The following FAM135B variants were observed in gnomAD, a reference collection of about 807,000 sequenced individuals.
FAM135B encodes the protein family with sequence similarity 135 member B, also known as protein FAM135B.
FAM135B carries 43 observed loss-of-function variants against 127.7 expected under a neutral mutation model. That is an observed-to-expected ratio of 0.34 (90% CI 0.26 to 0.43). The LOEUF (loss-of-function observed/expected upper bound fraction) is 0.43, where lower values mean the gene tolerates loss of function less well. Ranked by LOEUF, FAM135B falls within the 20% of genes least tolerant of loss-of-function variation. The pLI, the probability that FAM135B is intolerant of heterozygous loss-of-function variation, is 1.00. For synonymous variants in FAM135B, 670 were observed against 665.1 expected, an observed-to-expected ratio of 1.01 and a Z score of -0.11; for missense variants, 1,558 against 1,725.6, an observed-to-expected ratio of 0.90 and a Z score of 1.72.
At chr8:138,136,156 T>A (rs1215412948) in intron 19 of FAM135B, among the ~76,000 whole-genome samples, 2 of 152,042 alleles carry the variant, frequency 1.3e-5, no homozygotes, top group South Asian at 4.1e-4. Flanking sequence ...AACTAATTTT[T>A]AAAAATTTTT....
At chr8:138,305,918 C>T (rs2130866925) in intron 3 of FAM135B, among the ~76,000 whole-genome samples, 1 of 152,046 alleles carries the variant, frequency 6.6e-6, no homozygotes, top group South Asian at 2.1e-4. Context: ...TACACACATG[C>T]ATGTATATGT....
intron 2 of FAM135B, among the ~76,000 whole-genome samples, chr8:138,357,224 C>G (rs187916026): frequency 1.3e-5 from 2 of 152,066 alleles, no homozygotes; most frequent in East Asian, 3.9e-4. Flanking sequence ...TGTTTTTCCC[C>G]CATTTATAAA....
intron 9 of FAM135B, among the ~76,000 whole-genome samples, chr8:138,179,582 G>A (rs1814813598): frequency 6.6e-6 from 1 of 152,194 alleles, no homozygotes; most frequent in Non-Finnish European, 1.5e-5. Context: ...AAAACGTCCT[G>A]AGAGAAGACA....
intron 1 of FAM135B, among the ~76,000 whole-genome samples, chr8:138,428,213 C>T (rs1211280909): frequency 6.6e-6 from 1 of 152,084 alleles, no homozygotes; most frequent in African/African-American, 2.4e-5. Context: ...CATTGTCCTC[C>T]CATTTTTAAA....
intron 1 of FAM135B, among the ~76,000 whole-genome samples, chr8:138,427,561 C>G (rs1256394462): frequency 2.0e-5 from 3 of 152,002 alleles, no homozygotes; most frequent in Non-Finnish European, 4.4e-5. Flanking sequence ...AACACTGCAA[C>G]AACTTGCCAG....
At chr8:138,327,926 C>T (rs1193304601) in intron 2 of FAM135B, among the ~76,000 whole-genome samples, 1 of 152,104 alleles carries the variant, frequency 6.6e-6, no homozygotes, top group Non-Finnish European at 1.5e-5. Flanking sequence ...ATGAGAGAGA[C>T]TTCATATTGC....
intron 2 of FAM135B, among the ~76,000 whole-genome samples, chr8:138,339,384 T>TATATATATATATA (rs1563915402): frequency 5.5e-5 from 8 of 146,542 alleles, no homozygotes; most frequent in East Asian, 4.1e-4. Flanking sequence ...TATATATATA[T>TATATATATATATA]TTTAAAATCT....
Position 138,243,183 on chromosome 8 carries a change from G to A in FAM135B, c.543-115C>T. On this transcript the variant is annotated intron_variant, in intron 6 of 19. Coordinates refer to ENST00000395297, the MANE Select transcript of FAM135B (RefSeq NM_015912.4). The surrounding 1 kb of genome is among the most constrained non-coding windows in gnomAD (Gnocchi z 7.5). ...AGCATTTGGGATAAGTCATTTAGGA[G>A]TAGTTCACCCCCTAGGGAGTGTTTG... 8.0e-7 allele frequency: 1 copy of A among 1,248,280 alleles called. No homozygotes were observed. The highest frequency in any genetic ancestry group is 1.1e-6 in the Non-Finnish European group (1 of 920,124). 77.3% of individuals were successfully genotyped at this position (1,248,280 alleles called of 1,614,324 possible).
chr8:138,491,572 T>G (rs370190325), intron 1 of FAM135B, among the ~76,000 whole-genome samples: 1 of 152,220 alleles, frequency 6.6e-6, no homozygotes, highest in African/African-American at 2.4e-5. Flanking sequence ...GGGACCAGCA[T>G]CTACTCTGGC....
intron 2 of FAM135B, among the ~76,000 whole-genome samples, chr8:138,334,637 T>C (rs1199647389): frequency 6.6e-6 from 1 of 152,182 alleles, no homozygotes; most frequent in Non-Finnish European, 1.5e-5. Context: ...AGTGAGAACA[T>C]GTGGTATTTG....
intron 1 of FAM135B, among the ~76,000 whole-genome samples, chr8:138,483,955 A>G (rs1747520405): frequency 1.3e-5 from 2 of 152,360 alleles, no homozygotes; most frequent in Middle Eastern, 3.4e-3. Flanking sequence ...GAATGAAGCC[A>G]TACAAATAAG....
intron 1 of FAM135B, chr8:138,459,487 AC>A (rs1473236024): frequency 6.6e-6 from 1 of 152,172 alleles, no homozygotes; most frequent in Non-Finnish European, 1.5e-5. Flanking sequence ...ATTATCAACA[AC>A]CATGAAGCTC....
At chr8:138,439,789 T>C (rs1835661235) in intron 1 of FAM135B, 1 of 152,230 alleles carries the variant, frequency 6.6e-6, no homozygotes, top group Non-Finnish European at 1.5e-5. Flanking sequence ...AAAGTTTGAC[T>C]GTCCAATGTT....
intron 2 of FAM135B, among the ~76,000 whole-genome samples, chr8:138,333,901 T>C (rs1433532503): frequency 6.6e-6 from 1 of 152,062 alleles, no homozygotes; most frequent in Non-Finnish European, 1.5e-5. Flanking sequence ...GACCTCCTGA[T>C]CCTGACCTCC....
intron 1 of FAM135B, among the ~76,000 whole-genome samples, chr8:138,476,169 T>C (rs1328395174): frequency 6.6e-6 from 1 of 152,120 alleles, no homozygotes; most frequent in Non-Finnish European, 1.5e-5. Context: ...AGCAAAACCA[T>C]GAAGACAGTA....
chr8:138,451,472 C>A (rs567772911), intron 1 of FAM135B, among the ~76,000 whole-genome samples: 2 of 152,200 alleles, frequency 1.3e-5, no homozygotes, highest in African/African-American at 4.8e-5. Flanking sequence ...ACAACAGTAG[C>A]TATACATGCT....
chr8:138,189,363 C>T (rs531662300), intron 9 of FAM135B, among the ~76,000 whole-genome samples: 8 of 152,352 alleles, frequency 5.3e-5, no homozygotes, highest in Admixed American at 1.3e-4. Context: ...CACCATCCTT[C>T]AATCACTTCA....
At chr8:138,285,503 G>A (rs1824608007) in intron 3 of FAM135B, among the ~76,000 whole-genome samples, 1 of 152,092 alleles carries the variant, frequency 6.6e-6, no homozygotes, top group East Asian at 1.9e-4. Flanking sequence ...TAGCGACAGA[G>A]ATACCTTTCT....
At chr8:138,427,512 C>T (rs1388561792) in intron 1 of FAM135B, among the ~76,000 whole-genome samples, 2 of 151,936 alleles carry the variant, frequency 1.3e-5, no homozygotes, top group Non-Finnish European at 2.9e-5. Context: ...ATGATATCTA[C>T]TTTCACTAAG....
Sources: gnomAD v4.1 joint callset for allele counts (sites outside exome capture counted in the v4.1 genomes callset) on GRCh38, gnomAD v4.1.1 for gene constraint, Gnocchi (gnomAD v3.1) non-coding constraint, MANE v1.5 for transcripts, NCBI Gene and HGNC (gene_info 2026-07-23, HGNC 2026-07-21) for gene names.